PTPRN2: variants seen among roughly 807,000 people sequenced by gnomAD.
The protein encoded by PTPRN2 is receptor-type tyrosine-protein phosphatase N2.
Under a neutral mutation model 118.8 loss-of-function variants are expected in PTPRN2, and 74 were observed. The ratio of observed to expected loss-of-function variants is 0.62; its 90% CI spans 0.52 to 0.76. PTPRN2 has a LOEUF of 0.76. PTPRN2 is among the 30% of genes least tolerant of loss of function. The probability of loss-of-function intolerance (pLI) is 0.00; values close to 1 mark genes in which losing one functional copy is unlikely to be tolerated. For missense variants in PTPRN2, 1,481 were observed against 1,394.4 expected (o/e 1.06, Z -0.99); for synonymous variants, 641 against 608.0 (o/e 1.05, Z -0.80).
Position 157,809,945 on chromosome 7 carries a change from G to T in PTPRN2, c.1788+88728C>A, listed in dbSNP as rs145838028. On this transcript the variant is annotated intron_variant, in intron 12 of 22. Transcript: ENST00000389418. ...CAGGTTCGGGGAACAGGACTGTAAT[G>T]GGTCATGGAAAATACCAGGCTGATG... Among the ~76,000 whole-genome samples the T allele has an allele frequency of 2.9e-3, 445 of 152,284 alleles. 3 individuals carry two copies. In the Middle Eastern group the frequency reaches 0.051, roughly 17 times the overall value.
intron 2 of PTPRN2, among the ~76,000 whole-genome samples, chr7:158,336,818 A>C (rs1415061163): frequency 1.0e-5 from 1 of 96,742 alleles, no homozygotes; most frequent in Non-Finnish European, 2.3e-5. Context: ...TCACCATAAG[A>C]AGTGACACCT....
chr7:157,597,359 T>C (rs779626524), intron 16 of PTPRN2, among the ~76,000 whole-genome samples: 4 of 152,030 alleles, frequency 2.6e-5, no homozygotes, highest in Non-Finnish European at 4.4e-5. Flanking sequence ...AGAAATAAGT[T>C]TTGATTTTTT....
chr7:158,539,566 C>A (rs1250412451), intron 1 of PTPRN2: 1 of 163,738 alleles, frequency 6.1e-6, no homozygotes, highest in Non-Finnish European at 1.3e-5. Context: ...TCAGCCATAA[C>A]CTCCAGGACA....
At chr7:157,584,660 G>A (rs1331264416) in intron 17 of PTPRN2, among the ~76,000 whole-genome samples, 2 of 152,228 alleles carry the variant, frequency 1.3e-5, no homozygotes, top group African/African-American at 2.4e-5. Flanking sequence ...GCGTCCTCTC[G>A]TGGGCTGAAC....
intron 9 of PTPRN2, among the ~76,000 whole-genome samples, chr7:158,124,322 A>T (rs1817437059): frequency 6.6e-6 from 1 of 152,186 alleles, no homozygotes; most frequent in African/African-American, 2.4e-5. Context: ...ACGGAGGAAG[A>T]CCTGGGCCTG....
At chr7:157,847,158 G>A (rs1027272263) in intron 12 of PTPRN2, among the ~76,000 whole-genome samples, 4 of 129,744 alleles carry the variant, frequency 3.1e-5, no homozygotes, top group Admixed American at 7.7e-5. Context: ...ATGCGTGCCC[G>A]ATGTCGACAG....
chr7:158,150,937 G>A (rs1471378043), intron 6 of PTPRN2, among the ~76,000 whole-genome samples: 1 of 151,814 alleles, frequency 6.6e-6, no homozygotes, highest in Non-Finnish European at 1.5e-5. Flanking sequence ...CGAGAAGCTG[G>A]GAAATATTAT....
intron 12 of PTPRN2, among the ~76,000 whole-genome samples, chr7:157,838,230 T>C (rs1374369787): frequency 1.3e-5 from 2 of 149,378 alleles, no homozygotes; most frequent in Non-Finnish European, 3.0e-5. Context: ...CTACTCCAGT[T>C]CCTCTCATAG....
intron 6 of PTPRN2, among the ~76,000 whole-genome samples, chr7:158,164,581 G>A (rs904425553): frequency 7.2e-5 from 11 of 151,896 alleles, no homozygotes; most frequent in African/African-American, 1.9e-4. Context: ...GCAGGAATGC[G>A]TCCTATTCTC....
At chr7:158,131,378 ACACT>A (rs76071394) in intron 9 of PTPRN2, among the ~76,000 whole-genome samples, 47,273 of 129,838 alleles carry the variant, frequency 0.36, 8,311 homozygotes, top group South Asian at 0.48. Flanking sequence ...CCCGACACAC[ACACT>A]CATACACACA....
intron 7 of PTPRN2, among the ~76,000 whole-genome samples, chr7:158,137,708 C>T (rs1169181106): frequency 1.3e-5 from 2 of 152,302 alleles, no homozygotes; most frequent in Admixed American, 1.3e-4. Context: ...GAGAGGGGCA[C>T]GTCTGTCATT....
At chr7:158,259,724 T>C (rs4909059) in intron 3 of PTPRN2, among the ~76,000 whole-genome samples, 2,816 of 147,016 alleles carry the variant, frequency 0.019, 11 homozygotes, top group East Asian at 0.055. Flanking sequence ...CAGGTATGTG[T>C]GTTTGTGTGT....
intron 21 of PTPRN2, 37 bp from the exon 22 acceptor site, chr7:157,549,056 C>A (rs1387625571): frequency 2.5e-6 from 4 of 1,580,956 alleles, no homozygotes; most frequent in African/African-American, 1.3e-5. Context: ...GTTCAGAGCA[C>A]AAGATAATCC....
At chr7:158,156,301 G>A (rs910143174) in intron 6 of PTPRN2, among the ~76,000 whole-genome samples, 5 of 152,174 alleles carry the variant, frequency 3.3e-5, no homozygotes, top group African/African-American at 7.2e-5. Context: ...ACTTCAGTGG[G>A]GTGTGGGGAT....
At chr7:157,715,707 C>T (rs4289696) in intron 12 of PTPRN2, among the ~76,000 whole-genome samples, 66,391 of 152,162 alleles carry the variant, frequency 0.44, 14,913 homozygotes, top group African/African-American at 0.52. Flanking sequence ...CAAGAGAAAA[C>T]GGCGGTCTCC....
Position 158,505,796 on chromosome 7 carries a change from C to T in PTPRN2, c.113-16011G>A, listed in dbSNP as rs78305945. On this transcript the variant is annotated intron_variant, in intron 1 of 22. Transcript: ENST00000389418. ...GATTCTTCCACCGTACACGTGTATG[C>T]CATCACCATGCCCTGCGTCCTTAAG... is the stretch of plus-strand genomic sequence containing the variant. Among the ~76,000 whole-genome samples, 269 of 152,296 alleles carry T rather than the reference C, an allele frequency of 1.8e-3. 7 individuals carry two copies. In the East Asian group the frequency reaches 0.034, roughly 19 times the overall value.
chr7:158,071,684 G>A (rs1352204971), intron 11 of PTPRN2, among the ~76,000 whole-genome samples: 2 of 134,230 alleles, frequency 1.5e-5, no homozygotes, highest in African/African-American at 5.5e-5. Flanking sequence ...AGGTGCTCCT[G>A]GTGGAGGTGC....
intron 3 of PTPRN2, among the ~76,000 whole-genome samples, chr7:158,249,110 C>T (rs1363732053): frequency 6.6e-6 from 1 of 151,772 alleles, no homozygotes. Flanking sequence ...ATCACACACA[C>T]ACATGAACAT....
intron 10 of PTPRN2, among the ~76,000 whole-genome samples, chr7:158,084,658 TCGACGCCCATCCACACCCA>T (rs1285119705): frequency 8.7e-5 from 11 of 125,988 alleles, no homozygotes; most frequent in Middle Eastern, 0.012. Flanking sequence ...ATCCACATCC[TCGACGCCCATCCACACCCA>T]CGACGCCCAT....
Sources: gnomAD v4.1 joint callset for allele counts (sites outside exome capture counted in the v4.1 genomes callset) on GRCh38, gnomAD v4.1.1 for gene constraint, MANE v1.5 for transcripts, NCBI Gene and HGNC (gene_info 2026-07-23, HGNC 2026-07-21) for gene names.